GRM7: variants seen among roughly 807,000 people sequenced by gnomAD.
GRM7 encodes metabotropic glutamate receptor 7.
In GRM7, 35 loss-of-function variants were observed where a neutral mutation model predicts 84.5. The ratio of observed to expected loss-of-function variants is 0.41; its 90% confidence interval spans 0.32 to 0.55. The LOEUF is 0.55. Ranked by LOEUF, GRM7 falls within the 20% of genes least tolerant of loss-of-function variation. The pLI is 0.19. For missense variants in GRM7, 1,003 were observed against 1,194.6 expected, an observed-to-expected ratio of 0.84 and a Z score of 2.36; for synonymous variants, 487 against 455.1, an observed-to-expected ratio of 1.07 and a Z score of -0.89.
intron 4 of GRM7, among the ~76,000 whole-genome samples, chr3:7,314,528 A>G (rs974222421): frequency 2.6e-5 from 4 of 152,158 alleles, no homozygotes; most frequent in African/African-American, 9.7e-5. Flanking sequence ...ATGAATTTAC[A>G]CTCTAGCAGA....
chr3:7,171,076 T>G (rs1013679354), intron 2 of GRM7, among the ~76,000 whole-genome samples: 6 of 152,180 alleles, frequency 3.9e-5, no homozygotes, highest in Non-Finnish European at 2.9e-5. Context: ...TATCACAAAG[T>G]GCTCTAGACT....
At chr3:6,972,005 CT>C (rs144481040) in intron 1 of GRM7, among the ~76,000 whole-genome samples, 9,966 of 152,170 alleles carry the variant, frequency 0.065, 451 homozygotes, top group Non-Finnish European at 0.094. Context: ...GCATTTTACT[CT>C]TTATAATGTA....
intron 1 of GRM7, among the ~76,000 whole-genome samples, chr3:7,054,191 G>C (rs1318412450): frequency 6.7e-6 from 1 of 149,320 alleles, no homozygotes; most frequent in Non-Finnish European, 1.5e-5. Context: ...GTTTTTTGTA[G>C]GTTCCTTAAG....
chr3:7,285,994 T>C (rs1303057086), intron 2 of GRM7, among the ~76,000 whole-genome samples: 1 of 152,152 alleles, frequency 6.6e-6, no homozygotes, highest in Non-Finnish European at 1.5e-5. Flanking sequence ...ATCTGGATGA[T>C]TGTGTGCATT....
intron 1 of GRM7, among the ~76,000 whole-genome samples, chr3:7,099,319 G>A (rs1559438911): frequency 2.1e-5 from 3 of 142,426 alleles, no homozygotes; most frequent in African/African-American, 8.3e-5. Flanking sequence ...TATTATACAT[G>A]TATATATGTA....
rs539662383 is a variant in GRM7, at chr3:7,183,488, G to A, written c.736+36820G>A. Among the ~76,000 whole-genome samples the A allele has an allele frequency of 3.9e-5, 6 of 152,206 alleles. No homozygotes were observed. The South Asian group carries it at 8.3e-4, about 21-fold the overall frequency. On this transcript the variant is annotated intron_variant, in intron 2 of 9. Coordinates refer to ENST00000357716, the MANE Select transcript of GRM7 (RefSeq NM_000844.4). ...CTAAAAATACAAAAACTAGCAGGGCGTGGTGGTGCATGCCTGTAGTCCCAG... is the reference window on the plus strand; with the variant it reads ...CTAAAAATACAAAAACTAGCAGGGCATGGTGGTGCATGCCTGTAGTCCCAG...
chr3:7,415,152 G>A lies in GRM7; in HGVS notation c.1163G>A (p.Arg388His), dbSNP rs1025403472. The A allele has an allele frequency of 1.6e-5, 26 of 1,612,634 alleles. No individual in the cohort carries two copies. The highest frequency in any genetic ancestry group is 1.8e-5 in the Non-Finnish European group (21 of 1,178,874). Residue 388 changes from arginine to histidine, a missense_variant, in exon 5 of 10, where the codon CGC (arginine) becomes CAC (histidine). Around this residue, in one of 2 missense-constraint regions of GRM7, gnomAD observed 910 missense variants for 1,126.0 expected, o/e 0.81. Coordinates refer to ENST00000357716, the MANE Select transcript of GRM7 (RefSeq NM_000844.4). Reference protein sequence around the residue: ...ISGSKKEDTDRKCTGQERIGK... With the variant: ...ISGSKKEDTDHKCTGQERIGK... The stretch of plus-strand genomic sequence containing the variant: ...GGGTCAAAAAAAGAAGACACAGATC[G>A]CAAATGCACAGGTAATTTAATTCTC...
At chr3:7,216,427 A>G (rs1335881040) in intron 2 of GRM7, among the ~76,000 whole-genome samples, 1 of 152,212 alleles carries the variant, frequency 6.6e-6, no homozygotes, top group East Asian at 1.9e-4. Flanking sequence ...AACATATTTT[A>G]TAATTCTCAT....
chr3:6,872,353 TTCTC>T (rs758717814), intron 1 of GRM7, among the ~76,000 whole-genome samples: 1 of 152,134 alleles, frequency 6.6e-6, no homozygotes, highest in African/African-American at 2.4e-5. Context: ...CATGCTCCAT[TTCTC>T]TCTCTCTTAC....
chr3:7,210,949 A>C (rs914943509), intron 2 of GRM7, among the ~76,000 whole-genome samples: 1 of 152,198 alleles, frequency 6.6e-6, no homozygotes, highest in African/African-American at 2.4e-5. Context: ...TTATTAAATG[A>C]AGAAGTCTCT....
intron 4 of GRM7, among the ~76,000 whole-genome samples, chr3:7,389,151 G>A (rs565254949): frequency 1.3e-5 from 2 of 152,158 alleles, no homozygotes; most frequent in South Asian, 2.1e-4. Flanking sequence ...TCATTCAATA[G>A]CAAGCTATTT....
At chr3:7,389,358 G>A (rs1694902841) in intron 4 of GRM7, among the ~76,000 whole-genome samples, 1 of 152,074 alleles carries the variant, frequency 6.6e-6, no homozygotes, top group Non-Finnish European at 1.5e-5. Flanking sequence ...GTTGTTGGGT[G>A]GAATATTCTG....
chr3:7,432,493 T>C (rs993635842), intron 5 of GRM7, among the ~76,000 whole-genome samples: 1 of 152,172 alleles, frequency 6.6e-6, no homozygotes, highest in Non-Finnish European at 1.5e-5. Context: ...GCTAACTTTT[T>C]GTATTTTTAG....
intron 1 of GRM7, among the ~76,000 whole-genome samples, chr3:6,941,232 C>A (rs577576209): frequency 1.3e-5 from 2 of 152,292 alleles, no homozygotes; most frequent in South Asian, 4.1e-4. Flanking sequence ...CTGGCTAGAA[C>A]CCTCTGCTTT....
In GRM7 at chr3:7,680,061, A is replaced by G. The variant is rs1700301297; in HGVS notation, c.2464A>G (p.Thr822Ala). The G allele has an allele frequency of 6.2e-7, 1 of 1,613,994 alleles. No individual in the cohort carries two copies. Among genetic ancestry groups the G allele is most frequent in the Non-Finnish European group, 8.5e-7 (1 of 1,179,992 alleles). The change falls in exon 9 of 10, where the codon ACT becomes GCT. Residue 822 changes from threonine to alanine, a missense_variant. Transcript: ENST00000357716. ...AQSAEKLYIQ[T>A]TTLTISMNLS... The stretch of plus-strand genomic sequence containing the variant: ...TTGTGTCTCCTAGCTCTACATACAA[A>G]CTACCACGCTTACAATCTCCATGAA...
chr3:7,398,959 T>C (rs1330191063), intron 4 of GRM7, among the ~76,000 whole-genome samples: 1 of 152,080 alleles, frequency 6.6e-6, no homozygotes, highest in South Asian at 2.1e-4. Flanking sequence ...CACCTTCAAA[T>C]GCGGGCATTT....
chr3:7,363,135 A>C (rs1046459329), intron 4 of GRM7, among the ~76,000 whole-genome samples: 5 of 151,786 alleles, frequency 3.3e-5, no homozygotes, highest in South Asian at 2.1e-4. Flanking sequence ...AAAATAAATA[A>C]AATATAATAA....
intron 1 of GRM7, among the ~76,000 whole-genome samples, chr3:7,078,066 CTG>C (rs1226352564): frequency 5.9e-5 from 9 of 152,270 alleles, no homozygotes; most frequent in African/African-American, 1.9e-4. Flanking sequence ...ATGGGCCTGA[CTG>C]TGTTTCAGTG....
At chr3:7,595,175 T>C (rs1231687052) in intron 8 of GRM7, among the ~76,000 whole-genome samples, 5 of 152,152 alleles carry the variant, frequency 3.3e-5, no homozygotes, top group Admixed American at 1.3e-4. Flanking sequence ...GAAATCTACA[T>C]AGTAATTGGA....
Sources: allele counts gnomAD v4.1 joint callset (sites outside exome capture counted in the v4.1 genomes callset), GRCh38; gene constraint gnomAD v4.1.1; regional missense constraint gnomAD v4.1.1; transcripts MANE v1.5; gene names NCBI Gene and HGNC (gene_info 2026-07-23, HGNC 2026-07-21).